MSMB: variants seen among roughly 807,000 people sequenced by gnomAD.
MSMB encodes the protein beta-microseminoprotein.
Under a neutral mutation model 10.5 loss-of-function variants are expected in MSMB, and 10 were observed. The ratio of observed to expected loss-of-function variants is 0.95; its 90% CI spans 0.59 to 1.62. The LOEUF (loss-of-function observed/expected upper bound fraction) is 1.62, where lower values mean the gene tolerates loss of function less well. Among genes scored for constraint, MSMB ranks in the 40% most tolerant of loss-of-function variants. The probability of loss-of-function intolerance (pLI) is 0.00; values close to 1 mark genes in which losing one functional copy is unlikely to be tolerated. For synonymous variants in MSMB, 43 were observed against 46.5 expected, an observed-to-expected ratio of 0.93 and a Z score of 0.30; for missense variants, 126 against 137.4, an observed-to-expected ratio of 0.92 and a Z score of 0.42.
At chr10:46,041,321 GGCAAGAGAGTGAGA>G (rs1840745281) in intron 1 of MSMB, among the ~76,000 whole-genome samples, 4 of 149,128 alleles carry the variant, frequency 2.7e-5, no homozygotes, top group African/African-American at 9.9e-5. Context: ...CTCTAGCCTG[GGCAAGAGAGTGAGA>G]CTCCGTCTCA....
chr10:46,040,048 GT>G lies in MSMB; in HGVS notation c.46del (p.Thr16LeufsTer33), dbSNP rs1181482967. 1 of 1,614,024 alleles carries G rather than the reference GT, an allele frequency of 6.2e-7. No homozygotes were observed. The highest frequency in any genetic ancestry group is 1.3e-5 in the African/African-American group (1 of 75,064). ...GSVVIFATFVTLCNASCYFIP... is the reference protein window; with the variant it reads ...GSVVIFATFVXLCNASCYFIP... ...GAAATAGCATGATGCATTGCATAAA[GT>G]CACGAAGGTGGCAAAGATCACAACG... is the stretch of plus-strand genomic sequence containing the variant. On this transcript the variant is annotated frameshift_variant, in exon 2 of 4. Coordinates refer to ENST00000582163, the MANE Select transcript of MSMB (RefSeq NM_002443.4). LOFTEE classifies it high-confidence loss of function.
At chr10:46,035,658 A>G (rs1840585575) in intron 3 of MSMB, among the ~76,000 whole-genome samples, 1 of 152,226 alleles carries the variant, frequency 6.6e-6, no homozygotes. Context: ...GGGACAGGGA[A>G]TCTGAGTTAT....
chr10:46,037,568 A>G (rs112453121), intron 3 of MSMB, among the ~76,000 whole-genome samples: 7 of 152,344 alleles, frequency 4.6e-5, no homozygotes, highest in African/African-American at 1.7e-4. Context: ...AAACATCTGC[A>G]TAGCCTTTGG....
At chr10:46,043,748 C>G (rs1421822274) in intron 1 of MSMB, among the ~76,000 whole-genome samples, 1 of 152,114 alleles carries the variant, frequency 6.6e-6, no homozygotes, top group Non-Finnish European at 1.5e-5. Flanking sequence ...AATCTTGGCT[C>G]ACTGCAACCT....
chr10:46,041,949 G>A (rs117680673), intron 1 of MSMB, among the ~76,000 whole-genome samples: 1 of 152,050 alleles, frequency 6.6e-6, no homozygotes, highest in South Asian at 2.1e-4. Flanking sequence ...GATCTGTGGA[G>A]AGCGATTATT....
chr10:46,034,022 C>T (rs1840532921), intron 3 of MSMB, among the ~76,000 whole-genome samples: 1 of 152,186 alleles, frequency 6.6e-6, no homozygotes, highest in Non-Finnish European at 1.5e-5. Context: ...TCAGAGACCA[C>T]CTCTAATTGA....
chr10:46,042,048 C>A (rs1389549551), intron 1 of MSMB, among the ~76,000 whole-genome samples: 3 of 151,978 alleles, frequency 2.0e-5, no homozygotes, highest in Admixed American at 6.6e-5. Context: ...GAAATAAATT[C>A]TAAAAGGATT....
chr10:46,045,779 C>A (rs557363206), intron 1 of MSMB, among the ~76,000 whole-genome samples: 55 of 152,206 alleles, frequency 3.6e-4, no homozygotes, highest in Admixed American at 5.9e-4. Context: ...AGTTTGGGAG[C>A]CCCTGGCAGG....
chr10:46,038,216 A>T (rs564918973), intron 3 of MSMB, among the ~76,000 whole-genome samples: 1 of 152,294 alleles, frequency 6.6e-6, no homozygotes, highest in East Asian at 1.9e-4. Flanking sequence ...AACAATGTGA[A>T]TGGACCTAAT....
chr10:46,041,834 C>G (rs1554928670), intron 1 of MSMB, among the ~76,000 whole-genome samples: 1 of 149,552 alleles, frequency 6.7e-6, no homozygotes, highest in African/African-American at 2.5e-5. Flanking sequence ...AATAGAAAAC[C>G]CAGAAAATTC....
intron 1 of MSMB, among the ~76,000 whole-genome samples, chr10:46,040,753 G>T (rs1318490518): frequency 6.6e-6 from 1 of 152,176 alleles, no homozygotes; most frequent in Non-Finnish European, 1.5e-5. Flanking sequence ...AGGAGATCGA[G>T]ACCATCCTGG....
At chr10:46,038,871 TAAAC>T in intron 3 of MSMB, 91 bp downstream of exon 3, 7 of 1,044,780 alleles carry the variant, frequency 6.7e-6, no homozygotes, top group Non-Finnish European at 1.0e-5. Flanking sequence ...AAACAAAAAC[TAAAC>T]CCCTGAAGAT....
At position 46,033,527 on chromosome 10, in the gene MSMB, G is replaced by C. The variant is rs79133413; in HGVS notation, c.240C>G (p.Asp80Glu). The change falls in exon 4 of 4, where the codon GAC becomes GAG. Residue 80 changes from aspartate to glutamate, a missense_variant. Coordinates refer to ENST00000582163, the MANE Select transcript of MSMB (RefSeq NM_002443.4). ...CTLVSTPVGY[D>E]KDNCQRIFKK... Reference sequence around the variant, plus strand: ...TGAAGATTCTTTGGCAGTTGTCTTTGTCATAACCCACAGGTGTAGAAACAC... The same window carrying C: ...TGAAGATTCTTTGGCAGTTGTCTTTCTCATAACCCACAGGTGTAGAAACAC... The C allele has an allele frequency of 3.7e-6, 6 of 1,613,646 alleles. No individual in the cohort carries two copies. Among genetic ancestry groups the C allele is most frequent in the Non-Finnish European group, 5.1e-6 (6 of 1,179,702 alleles).
chr10:46,044,384 G>A (rs1840833668), intron 1 of MSMB, among the ~76,000 whole-genome samples: 2 of 150,784 alleles, frequency 1.3e-5, no homozygotes, highest in Admixed American at 1.3e-4. Flanking sequence ...AGACCATCCT[G>A]GCTAACATGG....
At chr10:46,045,625 C>T (rs1303595286) in intron 1 of MSMB, among the ~76,000 whole-genome samples, 1 of 152,156 alleles carries the variant, frequency 6.6e-6, no homozygotes, top group African/African-American at 2.4e-5. Context: ...GAAATGGTTC[C>T]CAAACTTGAG....
intron 2 of MSMB, 97 bp from the exon 3 acceptor site, chr10:46,039,168 CAG>C (rs1840686535): frequency 3.9e-6 from 4 of 1,015,480 alleles, no homozygotes; most frequent in African/African-American, 1.6e-5. Context: ...ACACCCCTCC[CAG>C]AGAGAGAGGA....
At chr10:46,042,714 C>CA (rs1430863294) in intron 1 of MSMB, among the ~76,000 whole-genome samples, 1 of 152,154 alleles carries the variant, frequency 6.6e-6, no homozygotes, top group Non-Finnish European at 1.5e-5. Context: ...GGTGAGCCAG[C>CA]AAGGTAGAAG....
intron 2 of MSMB, among the ~76,000 whole-genome samples, chr10:46,039,684 C>T (rs1027168982): frequency 6.6e-6 from 1 of 152,318 alleles, no homozygotes; most frequent in Middle Eastern, 3.4e-3. Flanking sequence ...GAGTTCGAGA[C>T]CAGCCTGGCC....
rs1554928254 is a variant in MSMB at position 46,040,098 on chromosome 10, T to C, written c.4-7A>G. 3 of 1,611,770 alleles carry C rather than the reference T, an allele frequency of 1.9e-6. No individual in the cohort carries two copies. Among genetic ancestry groups the C allele is most frequent in the Admixed American group, 1.7e-5 (1 of 59,964 alleles). On this transcript the variant is annotated splice_region_variant and splice_polypyrimidine_tract_variant and intron_variant, in intron 1 of 3. Transcript: ENST00000582163. ...CGCTGCCCAGGAGAACATTCTGTAA[T>C]GTGAAGAAAGGTCAGGGTGGAGAAT...
Sources: gnomAD v4.1 joint callset for allele counts (sites outside exome capture counted in the v4.1 genomes callset) on GRCh38, gnomAD v4.1.1 for gene constraint, MANE v1.5 for transcripts, NCBI Gene and HGNC (gene_info 2026-07-23, HGNC 2026-07-21) for gene names.